TRIM51G: variants seen among roughly 807,000 people sequenced by gnomAD.
TRIM51G encodes the protein tripartite motif-containing 51G.
At chr11:48,977,502 T>C in the TRIM51G span, among the ~76,000 whole-genome samples, 25 of 152,218 alleles carry the variant, frequency 1.6e-4, no homozygotes, top group Middle Eastern at 6.8e-3. Context: ...TTCCTGAAAT[T>C]ACTGTCTGGA....
At chr11:48,981,625 T>A in the TRIM51G span, 1 of 1,599,786 alleles carries the variant, frequency 6.3e-7, no homozygotes. Context: ...GGTGACTGGG[T>A]CTATGAAGTA....
the TRIM51G span, chr11:48,981,538 G>C: frequency 1.2e-6 from 2 of 1,602,752 alleles, no homozygotes; most frequent in Non-Finnish European, 1.7e-6. Context: ...CTTGCATTTA[G>C]AGCACTGAGC....
the TRIM51G span, among the ~76,000 whole-genome samples, chr11:48,982,964 T>TATAC: frequency 0.028 from 702 of 25,298 alleles, 15 homozygotes; most frequent in African/African-American, 0.044. Flanking sequence ...TACATATATA[T>TATAC]ATATATATAT....
At chr11:48,980,092 CA>C in the TRIM51G span, among the ~76,000 whole-genome samples, 2 of 151,918 alleles carry the variant, frequency 1.3e-5, no homozygotes, top group African/African-American at 2.4e-5. Flanking sequence ...GCACGGTGGC[CA>C]TTTGCTTTTC....
chr11:48,979,734 G>T, the TRIM51G span, among the ~76,000 whole-genome samples: 1 of 150,536 alleles, frequency 6.6e-6, no homozygotes, highest in Non-Finnish European at 1.5e-5. Context: ...CTCAAATATA[G>T]GTATATATGG....
At chr11:48,980,590 A>T in the TRIM51G span, among the ~76,000 whole-genome samples, 149,993 of 152,184 alleles carry the variant, frequency 0.99, 73,976 homozygotes, top group Middle Eastern at 1. Flanking sequence ...CAAATAACAC[A>T]TGTGTCCAGA....
At chr11:48,979,811 A>ATG in the TRIM51G span, among the ~76,000 whole-genome samples, 8 of 149,648 alleles carry the variant, frequency 5.3e-5, no homozygotes, top group African/African-American at 2.0e-4. Flanking sequence ...CCATATATAT[A>ATG]TATAATATAT....
the TRIM51G span, chr11:48,975,857 C>A: frequency 2.0e-6 from 2 of 1,022,732 alleles, no homozygotes; most frequent in Non-Finnish European, 3.1e-6. Context: ...ATGAAAAAAT[C>A]AGCCCCCCAT....
the TRIM51G span, chr11:48,981,287 G>A: frequency 1.8e-5 from 29 of 1,604,826 alleles, no homozygotes; most frequent in East Asian, 2.2e-5. Flanking sequence ...TCACTTACCC[G>A]GCGTTCCTCA....
the TRIM51G span, chr11:48,979,159 C>A: frequency 3.0e-6 from 2 of 666,322 alleles, no homozygotes; most frequent in Non-Finnish European, 5.7e-6. Context: ...TTGAATTTCA[C>A]TGATTCCTCT....
the TRIM51G span, among the ~76,000 whole-genome samples, chr11:48,980,473 GC>G: frequency 4.1e-4 from 63 of 152,146 alleles, no homozygotes; most frequent in African/African-American, 1.2e-3. Context: ...TTGCACTCTT[GC>G]TCCTTCTGCC....
the TRIM51G span, chr11:48,975,894 G>T: frequency 1.2e-6 from 1 of 808,136 alleles, no homozygotes. Flanking sequence ...ATTTATCAGT[G>T]ATATTGGGAT....
chr11:48,978,674 G>A, the TRIM51G span, among the ~76,000 whole-genome samples: 3 of 152,294 alleles, frequency 2.0e-5, no homozygotes, highest in East Asian at 5.8e-4. Flanking sequence ...TGTTGCTGGT[G>A]GATAAAGTAG....
the TRIM51G span, chr11:48,981,572 T>G: frequency 1.2e-6 from 2 of 1,601,812 alleles, no homozygotes; most frequent in Admixed American, 1.7e-5. Context: ...TCTTGCCAGT[T>G]GAGGTAGAAA....
the TRIM51G span, chr11:48,978,837 C>A: frequency 1.0e-6 from 1 of 960,322 alleles, no homozygotes; most frequent in Non-Finnish European, 1.7e-6. Context: ...CCACTTGAAT[C>A]TTCAACATCA....
At chr11:48,975,949 T>C in the TRIM51G span, 98 of 725,622 alleles carry the variant, frequency 1.4e-4, no homozygotes, top group South Asian at 1.0e-3. Flanking sequence ...CAAATCTCCA[T>C]GCAGGAAGAT....
the TRIM51G span, chr11:48,975,864 C>T: frequency 3.1e-6 from 3 of 960,104 alleles, no homozygotes; most frequent in Admixed American, 3.4e-5. Context: ...AATCAGCCCC[C>T]CATTGAAGAA....
the TRIM51G span, among the ~76,000 whole-genome samples, chr11:48,979,666 A>C: frequency 6.6e-6 from 1 of 151,992 alleles, no homozygotes; most frequent in Non-Finnish European, 1.5e-5. Flanking sequence ...GTTTTCTATA[A>C]CTAGAATTAT....
the TRIM51G span, among the ~76,000 whole-genome samples, chr11:48,976,733 T>G: frequency 6.6e-6 from 1 of 152,176 alleles, no homozygotes; most frequent in South Asian, 2.1e-4. Flanking sequence ...TTTTAACAAT[T>G]CAAATGAAAT....
Sources: gnomAD v4.1 joint callset for allele counts (sites outside exome capture counted in the v4.1 genomes callset) on GRCh38, gnomAD v4.1.1 for gene constraint, MANE v1.5 for transcripts, NCBI Gene and HGNC (gene_info 2026-07-23, HGNC 2026-07-21) for gene names.